ATP8B4: variants seen among roughly 807,000 people sequenced by gnomAD.
ATP8B4 encodes probable phospholipid-transporting ATPase IM.
ATP8B4 carries 133 observed loss-of-function variants against 145.6 expected under a neutral mutation model. That is an observed-to-expected ratio of 0.91 (90% confidence interval 0.79 to 1.05). ATP8B4 has a LOEUF of 1.05. Ranked by LOEUF, ATP8B4 falls within the 50% of genes least tolerant of loss-of-function variation. The pLI is 0.00. For synonymous variants in ATP8B4, 507 were observed against 492.9 expected, an observed-to-expected ratio of 1.03 and a Z score of -0.38; for missense variants, 1,458 against 1,425.2, an observed-to-expected ratio of 1.02 and a Z score of -0.37.
At chr15:49,995,657 T>C (rs1332873786) in intron 9 of ATP8B4, among the ~76,000 whole-genome samples, 1 of 152,202 alleles carries the variant, frequency 6.6e-6, no homozygotes, top group Non-Finnish European at 1.5e-5. Context: ...TAAACTTGCC[T>C]GTGCTTTAAC....
At chr15:49,884,021 AAAACAATGGC>A (rs2035844353) in intron 23 of ATP8B4, among the ~76,000 whole-genome samples, 1 of 152,254 alleles carries the variant, frequency 6.6e-6, no homozygotes, top group East Asian at 1.9e-4. Context: ...ACAAAAGTGT[AAAACAATGGC>A]ATTCTTCTCA....
intron 1 of ATP8B4, among the ~76,000 whole-genome samples, chr15:50,128,692 G>T (rs1333930452): frequency 6.6e-6 from 1 of 152,210 alleles, no homozygotes; most frequent in African/African-American, 2.4e-5. Context: ...TCAGTGGAAG[G>T]TTTATTGGGG....
intron 25 of ATP8B4, among the ~76,000 whole-genome samples, chr15:49,871,374 A>C (rs1220736934): frequency 6.6e-6 from 1 of 152,222 alleles, no homozygotes; most frequent in Non-Finnish European, 1.5e-5. Context: ...CACTGGAATT[A>C]GACAGAACTG....
intron 20 of ATP8B4, among the ~76,000 whole-genome samples, chr15:49,904,101 A>G (rs1365646008): frequency 6.6e-6 from 1 of 152,130 alleles, no homozygotes; most frequent in Non-Finnish European, 1.5e-5. Flanking sequence ...CGACAGATCC[A>G]TGGCTGGAAC....
At chr15:49,944,531 A>G (rs2042411655) in intron 14 of ATP8B4, among the ~76,000 whole-genome samples, 1 of 152,190 alleles carries the variant, frequency 6.6e-6, no homozygotes, top group Non-Finnish European at 1.5e-5. Context: ...TTATAAGTCT[A>G]CATGCCCCCA....
chr15:49,915,513 A>C (rs1816263204), intron 20 of ATP8B4, among the ~76,000 whole-genome samples: 1 of 152,148 alleles, frequency 6.6e-6, no homozygotes, highest in Non-Finnish European at 1.5e-5. Context: ...GGATATCCTA[A>C]ATACACTGAC....
At position 49,860,673 on chromosome 15, in the gene ATP8B4, C is replaced by T. The variant is rs746423646; in HGVS notation, c.3298-198G>A. The stretch of plus-strand genomic sequence containing the variant: ...GGCACTGGTCCATTTTTATCTCTAT[C>T]GAGACACTATTAAGTAATTAAGAAA... On this transcript the variant is annotated intron_variant, in intron 27 of 27. Transcript: ENST00000284509. Among the ~76,000 whole-genome samples, 24 of 152,238 alleles carry T rather than the reference C, an allele frequency of 1.6e-4. No homozygotes were observed. The East Asian group carries it at 2.3e-3, about 15-fold the overall frequency.
chr15:50,140,941 A>ATC (rs1234077887), intron 1 of ATP8B4, among the ~76,000 whole-genome samples: 1 of 152,162 alleles, frequency 6.6e-6, no homozygotes, highest in East Asian at 1.9e-4. Flanking sequence ...ACAAATACTG[A>ATC]TCTCTCTAAG....
intron 14 of ATP8B4, among the ~76,000 whole-genome samples, chr15:49,957,595 T>C (rs1017792731): frequency 6.6e-6 from 1 of 151,974 alleles, no homozygotes; most frequent in Non-Finnish European, 1.5e-5. Context: ...AAATAAAAGG[T>C]GGGCAAATAT....
chr15:50,139,147 T>G (rs902872973), intron 1 of ATP8B4, among the ~76,000 whole-genome samples: 10 of 152,344 alleles, frequency 6.6e-5, no homozygotes, highest in Middle Eastern at 3.4e-3. Context: ...CGTATGTTTA[T>G]TGCAGCACTA....
intron 6 of ATP8B4, among the ~76,000 whole-genome samples, chr15:50,033,296 T>G (rs2050589052): frequency 6.6e-6 from 1 of 152,168 alleles, no homozygotes; most frequent in Admixed American, 6.5e-5. Flanking sequence ...CAAGTACAAT[T>G]TAAAATCTAA....
chr15:49,910,228 A>G (rs1265370259), intron 20 of ATP8B4, among the ~76,000 whole-genome samples: 1 of 152,190 alleles, frequency 6.6e-6, no homozygotes, highest in African/African-American at 2.4e-5. Flanking sequence ...GAGAGTTTTG[A>G]CAATAGACTA....
At chr15:50,031,606 G>C (rs1212082672) in intron 6 of ATP8B4, among the ~76,000 whole-genome samples, 1 of 151,908 alleles carries the variant, frequency 6.6e-6, no homozygotes, top group East Asian at 1.9e-4. Context: ...GAAAAAGTAA[G>C]AGAATATTTA....
intron 2 of ATP8B4, among the ~76,000 whole-genome samples, chr15:50,076,208 C>T (rs149582577): frequency 3.9e-5 from 6 of 152,250 alleles, no homozygotes; most frequent in Non-Finnish European, 7.4e-5. Context: ...CAGAAACCAT[C>T]CTGGGCTGGG....
chr15:50,043,803 A>T (rs935208849), intron 5 of ATP8B4, among the ~76,000 whole-genome samples: 5 of 150,298 alleles, frequency 3.3e-5, no homozygotes, highest in Non-Finnish European at 1.5e-5. Context: ...AATACAAAAA[A>T]TTAGCCGGGC....
chr15:50,174,400 G>A (rs975421191), intron 1 of ATP8B4, among the ~76,000 whole-genome samples: 4 of 151,972 alleles, frequency 2.6e-5, no homozygotes, highest in African/African-American at 9.7e-5. Context: ...AAACACTAAG[G>A]ACTCCCCTAG....
intron 24 of ATP8B4, among the ~76,000 whole-genome samples, chr15:49,878,799 C>T (rs1379784138): frequency 6.6e-6 from 1 of 152,212 alleles, no homozygotes; most frequent in Non-Finnish European, 1.5e-5. Context: ...CACTGGCAGA[C>T]TGCTCTACTG....
At chr15:50,053,939 T>C (rs150354718) in intron 3 of ATP8B4, among the ~76,000 whole-genome samples, 2 of 152,342 alleles carry the variant, frequency 1.3e-5, no homozygotes, top group East Asian at 1.9e-4. Context: ...ATTTGGGAGA[T>C]TGCCTCAATT....
intron 2 of ATP8B4, among the ~76,000 whole-genome samples, chr15:50,087,216 T>C (rs1360321472): frequency 1.5e-5 from 2 of 131,256 alleles, no homozygotes; most frequent in African/African-American, 2.9e-5. Flanking sequence ...TAAAATAATA[T>C]ATAGATCTAT....
Sources: allele counts gnomAD v4.1 joint callset (sites outside exome capture counted in the v4.1 genomes callset), GRCh38; gene constraint gnomAD v4.1.1; transcripts MANE v1.5; gene names NCBI Gene and HGNC (gene_info 2026-07-23, HGNC 2026-07-21).